The following SEC23B variants were observed in gnomAD, a reference collection of about 807,000 sequenced individuals.
SEC23B encodes the protein protein transport protein Sec23B.
In SEC23B, 77 loss-of-function variants were observed where a neutral mutation model predicts 104.3. The ratio of observed to expected loss-of-function variants is 0.74; its 90% CI spans 0.61 to 0.89. The LOEUF is 0.89. Ranked by LOEUF, SEC23B falls within the 40% of genes least tolerant of loss-of-function variation. The pLI is 0.00. For synonymous variants in SEC23B, 338 were observed against 332.5 expected, an observed-to-expected ratio of 1.02 and a Z score of -0.18; for missense variants, 885 against 949.4, an observed-to-expected ratio of 0.93 and a Z score of 0.89.
rs1215780219 is a variant in SEC23B, at chr20:18,532,882, A to G, written c.1314+138A>G. On this transcript the variant is annotated intron_variant, in intron 11 of 19. Coordinates refer to ENST00000650089, the MANE Select transcript of SEC23B (RefSeq NM_006363.6). ...GGAGAAGGGCTAACCCTCACTGATG[A>G]CTATACTCGGAGAGGTGGTGTTATT... 5.5e-6 allele frequency: 4 copies of G among 721,064 alleles called. No homozygotes were observed. In the East Asian group the frequency reaches 8.1e-5, roughly 15 times the overall value. The allele number at this position is 721,064 out of a possible 1,614,324, so 44.7% of individuals were successfully genotyped here.
chr20:18,560,691 A>G lies in SEC23B; in HGVS notation c.2255A>G (p.Gln752Arg). The G allele has an allele frequency of 6.2e-7, 1 of 1,614,170 alleles. No individual in the cohort carries two copies. The highest frequency in any genetic ancestry group is 8.5e-7 in the Non-Finnish European group (1 of 1,179,996). ...APILTDDVSLQVFMDHLKKLA... is the reference protein window; with the variant it reads ...APILTDDVSLRVFMDHLKKLA... ...ATCCTAACTGATGATGTTAGCCTGC[A>G]GGTGTTCATGGACCATTTGAAGAAG... The change falls in exon 20 of 20, where the codon CAG becomes CGG. Residue 752 changes from glutamine to arginine, a missense_variant. Coordinates refer to ENST00000650089, the MANE Select transcript of SEC23B (RefSeq NM_006363.6).
intron 2 of SEC23B, among the ~76,000 whole-genome samples, chr20:18,511,433 A>G (rs1429461078): frequency 1.3e-5 from 2 of 152,094 alleles, no homozygotes; most frequent in Non-Finnish European, 2.9e-5. Flanking sequence ...CTTCCCGGGT[A>G]CAGTGATGCT....
chr20:18,521,178 A>G (rs752168191), intron 4 of SEC23B, among the ~76,000 whole-genome samples: 19 of 152,140 alleles, frequency 1.2e-4, no homozygotes, highest in Non-Finnish European at 1.9e-4. Context: ...ATGAATTGCA[A>G]CTCAGAAATA....
At chr20:18,522,901 C>CA (rs1033872109) in intron 4 of SEC23B, among the ~76,000 whole-genome samples, 2 of 151,056 alleles carry the variant, frequency 1.3e-5, no homozygotes, top group African/African-American at 4.9e-5. Context: ...ACTAAAAATA[C>CA]AAAAAAAATT....
intron 1 of SEC23B, chr20:18,509,569 G>C (rs2065087654): frequency 1.3e-5 from 2 of 152,012 alleles, no homozygotes; most frequent in Admixed American, 1.3e-4. Context: ...AGTTTAGCCT[G>C]TAGGACAGTT....
At chr20:18,526,217 T>C (rs530485117) in intron 7 of SEC23B, among the ~76,000 whole-genome samples, 156 bp from the exon 8 acceptor site, 3 of 152,358 alleles carry the variant, frequency 2.0e-5, no homozygotes, top group African/African-American at 7.2e-5. Context: ...AGACAAGTGC[T>C]GCTTTTCTGC....
At chr20:18,557,877 G>C (rs972074779) in intron 19 of SEC23B, among the ~76,000 whole-genome samples, 1 of 150,708 alleles carries the variant, frequency 6.6e-6, no homozygotes, top group Non-Finnish European at 1.5e-5. Flanking sequence ...TCAGCCTCCC[G>C]AGTAGCTGGG....
chr20:18,537,658 G>A (rs376398034), intron 12 of SEC23B, among the ~76,000 whole-genome samples: 87 of 152,128 alleles, frequency 5.7e-4, no homozygotes, highest in Middle Eastern at 3.4e-3. Context: ...AATGGGTACA[G>A]CACACCAGCA....
chr20:18,538,987 C>A (rs980812745), intron 12 of SEC23B, among the ~76,000 whole-genome samples: 2 of 149,818 alleles, frequency 1.3e-5, no homozygotes, highest in African/African-American at 4.9e-5. Flanking sequence ...AGGTGGATCA[C>A]GAGGTCAGGA....
At chr20:18,528,737 C>G in intron 9 of SEC23B, among the ~76,000 whole-genome samples, 1 of 152,208 alleles carries the variant, frequency 6.6e-6, no homozygotes, top group East Asian at 1.9e-4. Flanking sequence ...GTATGAATTC[C>G]TACCACGGCC....
At chr20:18,546,792 G>A (rs563315661) in intron 15 of SEC23B, among the ~76,000 whole-genome samples, 25 of 152,256 alleles carry the variant, frequency 1.6e-4, no homozygotes, top group African/African-American at 5.8e-4. Flanking sequence ...GTCAGGTTGA[G>A]GTTCCAGTGC....
Position 18,548,819 on chromosome 20 carries a change from A to G in SEC23B, c.1905+49A>G, listed in dbSNP as rs368567145. The stretch of plus-strand genomic sequence containing the variant: ...CCTGAGGATTGGAATCACCTAACAT[A>G]TATTCTTTTTTAAGCAAATTTACTT... On this transcript the variant is annotated intron_variant, in intron 16 of 19. Transcript: ENST00000650089. The G allele has an allele frequency of 1.3e-5, 21 of 1,588,076 alleles. 1 individual carries two copies. The highest frequency in any genetic ancestry group is 1.6e-5 in the Non-Finnish European group (19 of 1,156,570).
At chr20:18,536,822 C>T (rs567036220) in intron 12 of SEC23B, among the ~76,000 whole-genome samples, 1 of 152,236 alleles carries the variant, frequency 6.6e-6, no homozygotes, top group South Asian at 2.1e-4. Flanking sequence ...ATATTATGTC[C>T]TGTATTCTTA....
chr20:18,534,188 G>A (rs2060208866), intron 11 of SEC23B, among the ~76,000 whole-genome samples: 1 of 151,924 alleles, frequency 6.6e-6, no homozygotes, highest in Non-Finnish European at 1.5e-5. Flanking sequence ...AAAATAATTT[G>A]CAGATATCAT....
intron 4 of SEC23B, among the ~76,000 whole-genome samples, chr20:18,523,397 C>CTTTTTTTTTTT (rs112136906): frequency 7.7e-6 from 1 of 130,552 alleles, no homozygotes; most frequent in Non-Finnish European, 1.6e-5. Context: ...TCTTTCCTTT[C>CTTTTTTTTTTT]TTTTTTTTTT....
At position 18,543,041 on chromosome 20, in the gene SEC23B, C is replaced by T. The variant is rs1353609683; in HGVS notation, c.1534C>T (p.Leu512Phe). The T allele has an allele frequency of 1.9e-6, 3 of 1,614,064 alleles. No individual in the cohort carries two copies. In the African/African-American group the frequency reaches 4.0e-5, roughly 22 times the overall value. The change falls in exon 14 of 20, where the codon CTC (leucine) becomes TTC (phenylalanine). Residue 512 changes from leucine to phenylalanine, a missense_variant. Coordinates refer to ENST00000650089, the MANE Select transcript of SEC23B (RefSeq NM_006363.6). ...CAGTTGGGCAGATGTACAGAGTCAGCTCAGGCACATAGAAGCAGCATTTGA... is the reference window on the plus strand; with the variant it reads ...CAGTTGGGCAGATGTACAGAGTCAGTTCAGGCACATAGAAGCAGCATTTGA... The part of the protein sequence containing the change: ...ARNWADVQSQ[L>F]RHIEAAFDQE...
At position 18,546,184 on chromosome 20, in the gene SEC23B, A is replaced by G. The variant is rs983735328; in HGVS notation, c.1743+151A>G. The stretch of plus-strand genomic sequence containing the variant: ...TTCAACCCAAGTCGAATATGTGTCT[A>G]GGCAAGACAGCACCCTACGCCCTAC... On this transcript the variant is annotated intron_variant, in intron 15 of 19. Transcript: ENST00000650089. 2.7e-5 allele frequency: 17 copies of G among 635,808 alleles called. No individual in the cohort carries two copies. In the African/African-American group the frequency reaches 3.1e-4, roughly 12 times the overall value. 39.4% of individuals were successfully genotyped at this position (635,808 alleles called of 1,614,324 possible). A position where few individuals can be genotyped will look rare whatever the true frequency, so the allele number is the denominator to read the frequency against.
rs150457147 is a variant in SEC23B, at chr20:18,526,330, G to A, written c.835-43G>A. On this transcript the variant is annotated intron_variant, in intron 7 of 19. Coordinates refer to ENST00000650089, the MANE Select transcript of SEC23B (RefSeq NM_006363.6). ...TGGGAAACTGAAACCATACTAAAAG[G>A]TGAGGCTGTATACTTCTAACATGCT... is the stretch of plus-strand genomic sequence containing the variant. The A allele has an allele frequency of 6.9e-4, 1,104 of 1,605,972 alleles. 6 individuals carry two copies. In the African/African-American group the frequency reaches 0.013, roughly 19 times the overall value.
In SEC23B at chr20:18,526,082, G is replaced by A. The variant is rs928248048; in HGVS notation, c.834+150G>A. On this transcript the variant is annotated intron_variant, in intron 7 of 19. Coordinates refer to ENST00000650089, the MANE Select transcript of SEC23B (RefSeq NM_006363.6). Reference sequence around the variant, plus strand: ...CATTTGAGGCATCATTATCATTCACGTTGAGGGAGCCCCTCAACATTTTGA... The same window carrying A: ...CATTTGAGGCATCATTATCATTCACATTGAGGGAGCCCCTCAACATTTTGA... 3.5e-5 allele frequency: 36 copies of A among 1,022,256 alleles called. No homozygotes were observed. In the African/African-American group the frequency reaches 4.1e-4, roughly 12 times the overall value. The allele number at this position is 1,022,256 out of a possible 1,614,324, so 63.3% of individuals were successfully genotyped here. A position where few individuals can be genotyped will look rare whatever the true frequency, so the allele number is the denominator to read the frequency against.
Sources: gnomAD v4.1 joint callset for allele counts (sites outside exome capture counted in the v4.1 genomes callset) on GRCh38, gnomAD v4.1.1 for gene constraint, MANE v1.5 for transcripts, NCBI Gene and HGNC (gene_info 2026-07-23, HGNC 2026-07-21) for gene names.